Variants in ZMYND19 observed in about 807,000 individuals in gnomAD.
ZMYND19 encodes the protein zinc finger MYND domain-containing protein 19.
Under a neutral mutation model 32.0 loss-of-function variants are expected in ZMYND19, and 17 were observed. That is an observed-to-expected ratio of 0.53 (90% CI 0.36 to 0.80). The LOEUF is 0.80. Among genes scored for constraint, ZMYND19 ranks in the 30% least tolerant of loss-of-function variants. The pLI is 0.00. For missense variants in ZMYND19, 250 were observed against 293.6 expected, an observed-to-expected ratio of 0.85 and a Z score of 1.09; for synonymous variants, 124 against 113.6, an observed-to-expected ratio of 1.09 and a Z score of -0.58.
chr9:137,582,711 T>A lies in ZMYND19; in HGVS notation c.541-25A>T, dbSNP rs189585137. The A allele has an allele frequency of 7.5e-6, 12 of 1,608,414 alleles. No individual in the cohort carries two copies. In the African/African-American group the frequency reaches 1.2e-4, roughly 16 times the overall value. ...GCTGAAATACAGAACACCTGTGGCT[T>A]CACCATCATGCCTGGGACGCAGTGT... On this transcript the variant is annotated intron_variant, in intron 5 of 5. Transcript: ENST00000298585.
rs986534915 is a variant in ZMYND19, at chr9:137,590,436, G to A, written c.-173C>T. 1.9e-4 allele frequency: 46 copies of A among 237,938 alleles called. No homozygotes were observed. The highest frequency in any genetic ancestry group is 2.9e-4 in the Non-Finnish European group (43 of 149,112). The allele number at this position is 237,938 out of a possible 1,614,324, so 14.7% of individuals were successfully genotyped here. On this transcript the variant is annotated 5_prime_UTR_variant, in exon 1 of 6. Transcript: ENST00000298585. The surrounding 1 kb of genome is among the most constrained non-coding windows in gnomAD (Gnocchi z 4.2). ...GGGCCGGGCTCGGGCCTCCGCCGCC[G>A]CCTCGCGCCCGCCGGACCTGCCACG...
intron 4 of ZMYND19, 52 bp downstream of exon 4, chr9:137,586,915 C>G: frequency 6.2e-7 from 1 of 1,605,618 alleles, no homozygotes; most frequent in Non-Finnish European, 8.5e-7. Context: ...TTGGCGGTGG[C>G]CCTCCTCAAA....
chr9:137,588,869 T>C (rs571215663), intron 1 of ZMYND19, 151 bp from the exon 2 acceptor site: 140 of 784,468 alleles, frequency 1.8e-4, no homozygotes, highest in Non-Finnish European at 2.7e-4. Context: ...GCTCAGCACA[T>C]GGGGGCCTCA....
At chr9:137,582,834 G>A in intron 5 of ZMYND19, 148 bp from the exon 6 acceptor site, 6 of 1,504,006 alleles carry the variant, frequency 4.0e-6, no homozygotes, top group Non-Finnish European at 5.4e-6. Flanking sequence ...CAGCACAAGG[G>A]CAAAGGGAGA....
intron 2 of ZMYND19, 41 bp from the exon 3 acceptor site, chr9:137,587,864 A>G: frequency 6.3e-7 from 1 of 1,578,536 alleles, no homozygotes; most frequent in Non-Finnish European, 8.7e-7. Context: ...AAAACCTCCA[A>G]TTCTCAGCAA....
intron 4 of ZMYND19, among the ~76,000 whole-genome samples, chr9:137,586,007 C>G (rs1010330364): frequency 1.3e-5 from 2 of 152,236 alleles, no homozygotes; most frequent in African/African-American, 4.8e-5. Flanking sequence ...GGGCTCCCAA[C>G]CCCTATCCTG....
At position 137,582,129 on chromosome 9, in the gene ZMYND19, C is replaced by G. The variant is rs1191974393; in HGVS notation, c.*414G>C. 2 of 164,132 alleles carry G rather than the reference C, an allele frequency of 1.2e-5. No individual in the cohort carries two copies. Among genetic ancestry groups the G allele is most frequent in the African/African-American group, 4.8e-5 (2 of 41,682 alleles). 10.2% of individuals were successfully genotyped at this position (164,132 alleles called of 1,614,324 possible). Reference sequence around the variant, plus strand: ...TTTGTGGACACAACTCCCGTGCAGGCCGCGCTCCACGGGGCTCCCGGCGGC... The same window carrying G: ...TTTGTGGACACAACTCCCGTGCAGGGCGCGCTCCACGGGGCTCCCGGCGGC... On this transcript the variant is annotated 3_prime_UTR_variant, in exon 6 of 6. Coordinates refer to ENST00000298585, the MANE Select transcript of ZMYND19 (RefSeq NM_138462.3).
chr9:137,588,129 C>T (rs1842226923), intron 2 of ZMYND19, among the ~76,000 whole-genome samples: 1 of 152,308 alleles, frequency 6.6e-6, no homozygotes, highest in South Asian at 2.1e-4. Flanking sequence ...GATAGAGAAC[C>T]CCCTGGAGAG....
rs1313258526 is a variant in ZMYND19 at position 137,583,111 on chromosome 9, C to T, written c.412G>A (p.Glu138Lys). Residue 138 changes from glutamate (E) to lysine (K), a missense_variant, in exon 5 of 6, where the codon GAA becomes AAA. Glu to Lys is a moderately conservative substitution (Grantham distance 56). Coordinates refer to ENST00000298585, the MANE Select transcript of ZMYND19 (RefSeq NM_138462.3). ...ACATTTAGGACAGGAAACTGTTCTT[C>T]TATAGGGTCTGTAGGCAGCTGCTGA... is the stretch of plus-strand genomic sequence containing the variant. ...AIQQLPTDPI[E>K]EQFPVLNVTR... The T allele has an allele frequency of 1.2e-6, 2 of 1,614,166 alleles. No homozygotes were observed. Among genetic ancestry groups the T allele is most frequent in the East Asian group, 2.2e-5 (1 of 44,886 alleles).
chr9:137,582,907 GA>G (rs1428718094), intron 5 of ZMYND19, 75 bp downstream of exon 5: 1 of 1,575,160 alleles, frequency 6.3e-7, no homozygotes, highest in East Asian at 2.2e-5. Context: ...CCCCGCGGTG[GA>G]GGGCAAGATC....
At position 137,582,374 on chromosome 9, in the gene ZMYND19, T is replaced by G; in HGVS notation, c.*169A>C. 1 of 876,276 alleles carries G rather than the reference T, an allele frequency of 1.1e-6. No individual in the cohort carries two copies. The highest frequency in any genetic ancestry group is 1.7e-6 in the Non-Finnish European group (1 of 590,526). The allele number at this position is 876,276 out of a possible 1,614,324, so 54.3% of individuals were successfully genotyped here. On this transcript the variant is annotated 3_prime_UTR_variant, in exon 6 of 6. Transcript: ENST00000298585. The stretch of plus-strand genomic sequence containing the variant: ...CGTTGTCTCTGCTGGAGATGAACAC[T>G]GAGGGGCGCTGTAACCACACAGACT...
rs536872855 is a variant in ZMYND19 at position 137,583,338 on chromosome 9, T to C, written c.360-175A>G. Among the ~76,000 whole-genome samples the C allele has an allele frequency of 3.1e-4, 47 of 151,892 alleles. 1 individual carries two copies. Among genetic ancestry groups the C allele is most frequent in the African/African-American group, 1.1e-3 (46 of 41,540 alleles). ...TTTCACCACCTGACAGTAAATATTG[T>C]GTCTCATCTTCCCACTAACCCGTAA... On this transcript the variant is annotated intron_variant, in intron 4 of 5. Coordinates refer to ENST00000298585, the MANE Select transcript of ZMYND19 (RefSeq NM_138462.3).
intron 1 of ZMYND19, chr9:137,589,826 G>C: frequency 5.1e-6 from 5 of 985,480 alleles, no homozygotes; most frequent in Non-Finnish European, 6.0e-6. Flanking sequence ...TGTTTAAACC[G>C]TGTGGCCGCA....
At chr9:137,587,494 G>A (rs2297005) in intron 3 of ZMYND19, 129,996 of 604,812 alleles carry the variant, frequency 0.21, 15,068 homozygotes, top group Admixed American at 0.37. Flanking sequence ...AGAGGCTGCC[G>A]GTCCTGGGCA....
intron 3 of ZMYND19, 165 bp downstream of exon 3, chr9:137,587,552 T>A: frequency 1.5e-6 from 1 of 670,344 alleles, no homozygotes; most frequent in Non-Finnish European, 2.6e-6. Context: ...AACATACAAA[T>A]CATTCGTTCC....
rs940012183 is a variant in ZMYND19 at position 137,582,395 on chromosome 9, A to C, written c.*148T>G. 1 of 1,156,720 alleles carries C rather than the reference A, an allele frequency of 8.6e-7. No individual in the cohort carries two copies. The highest frequency in any genetic ancestry group is 1.2e-6 in the Non-Finnish European group (1 of 836,052). The allele number at this position is 1,156,720 out of a possible 1,614,324, so 71.7% of individuals were successfully genotyped here. A position where few individuals can be genotyped will look rare whatever the true frequency, so the allele number is the denominator to read the frequency against. ...ACACTGAGGGGCGCTGTAACCACACAGACTGCCTGTGACATCGGGAGTCTC... is the reference window on the plus strand; with the variant it reads ...ACACTGAGGGGCGCTGTAACCACACCGACTGCCTGTGACATCGGGAGTCTC... On this transcript the variant is annotated 3_prime_UTR_variant, in exon 6 of 6. Coordinates refer to ENST00000298585, the MANE Select transcript of ZMYND19 (RefSeq NM_138462.3).
intron 3 of ZMYND19, chr9:137,587,470 A>G (rs1588974284): frequency 1.7e-6 from 1 of 596,380 alleles, no homozygotes; most frequent in African/African-American, 1.9e-5. Context: ...AAGGGGAGCA[A>G]CCACCGTCCC....
At chr9:137,587,367 G>C (rs1193458152) in intron 3 of ZMYND19, 1 of 623,232 alleles carries the variant, frequency 1.6e-6, no homozygotes, top group African/African-American at 1.8e-5. Context: ...GCCAAAGCTG[G>C]AACGCAAAAC....
Position 137,590,008 on chromosome 9 carries a change from G to A in ZMYND19, c.51+205C>T, listed in dbSNP as rs962808062. The A allele has an allele frequency of 2.6e-5, 26 of 985,002 alleles. No homozygotes were observed. The Admixed American group carries it at 6.8e-4, about 26-fold the overall frequency. The allele number at this position is 985,002 out of a possible 1,614,324, so 61.0% of individuals were successfully genotyped here. A position where few individuals can be genotyped will look rare whatever the true frequency, so the allele number is the denominator to read the frequency against. ...GGGTGGCCAGGTGCACCCCAGAGCCGAGGGGTGCGTGCCCGCCGGCCTGCG... is the reference window on the plus strand; with the variant it reads ...GGGTGGCCAGGTGCACCCCAGAGCCAAGGGGTGCGTGCCCGCCGGCCTGCG... On this transcript the variant is annotated intron_variant, in intron 1 of 5. Transcript: ENST00000298585. This position sits in a 1 kb window ranked among gnomAD's most constrained non-coding sequence, Gnocchi z 4.2.
Sources: allele counts gnomAD v4.1 joint callset (sites outside exome capture counted in the v4.1 genomes callset), GRCh38; gene constraint gnomAD v4.1.1; non-coding constraint Gnocchi (gnomAD v3.1); transcripts MANE v1.5; gene names NCBI Gene and HGNC (gene_info 2026-07-23, HGNC 2026-07-21).